The following ANK2 variants were observed in gnomAD, a reference collection of about 807,000 sequenced individuals.
ANK2 encodes the protein ankyrin 2.
Under a neutral mutation model 360.5 loss-of-function variants are expected in ANK2, and 83 were observed. The ratio of observed to expected loss-of-function variants is 0.23; its 90% CI spans 0.19 to 0.28. ANK2 has a LOEUF of 0.28. ANK2 is among the 10% of genes least tolerant of loss of function. ANK2 has a pLI of 1.00. For synonymous variants in ANK2, 1,740 were observed against 1,759.5 expected, an observed-to-expected ratio of 0.99 and a Z score of 0.28; for missense variants, 4,201 against 4,795.7, an observed-to-expected ratio of 0.88 and a Z score of 3.66.
At chr4:113,134,607 T>G (rs1159693679) in intron 1 of ANK2, among the ~76,000 whole-genome samples, 1 of 152,136 alleles carries the variant, frequency 6.6e-6, no homozygotes, top group Non-Finnish European at 1.5e-5. Flanking sequence ...TTTTAACACT[T>G]GATCTCCAGG....
rs764765038 is a variant in ANK2 at position 113,353,833 on chromosome 4, G to A, written c.5215G>A (p.Glu1739Lys). The A allele has an allele frequency of 1.9e-6, 3 of 1,614,030 alleles. No homozygotes were observed. The highest frequency in any genetic ancestry group is 1.1e-5 in the South Asian group (1 of 91,050). Residue 1739 changes from glutamate (E) to lysine (K), a missense_variant, in exon 38 of 46, where the codon GAA becomes AAA. Glu to Lys is a moderately conservative substitution (Grantham distance 56, BLOSUM62 1). This residue lies in a region of ANK2 where 2,642 missense variants were observed against 2,714.5 expected (regional missense o/e 0.97). Coordinates refer to ENST00000357077, the MANE Select transcript of ANK2 (RefSeq NM_001148.6). ...KKGSSEESLG[E>K]DPGLAPEPLP... ...AGGTAGTTCAGAAGAGTCATTAGGTGAAGACCCAGGTTTAGCCCCTGAACC... is the reference window on the plus strand; with the variant it reads ...AGGTAGTTCAGAAGAGTCATTAGGTAAAGACCCAGGTTTAGCCCCTGAACC...
chr4:113,277,630 T>G (rs1216159590), intron 15 of ANK2, among the ~76,000 whole-genome samples: 2 of 152,230 alleles, frequency 1.3e-5, no homozygotes, highest in African/African-American at 4.8e-5. Flanking sequence ...ATAAAATTTC[T>G]TTTATTCAGT....
intron 1 of ANK2, among the ~76,000 whole-genome samples, chr4:112,867,250 T>C (rs967215782): frequency 6.6e-6 from 1 of 152,074 alleles, no homozygotes; most frequent in Non-Finnish European, 1.5e-5. Context: ...TTTTAAACTT[T>C]TAAAAGAATT....
At chr4:113,067,337 A>G (rs1016432975) in intron 1 of ANK2, among the ~76,000 whole-genome samples, 3 of 150,910 alleles carry the variant, frequency 2.0e-5, no homozygotes, top group African/African-American at 7.3e-5. Flanking sequence ...AGGGGAAACA[A>G]GAGTCCAAGA....
chr4:112,736,088 A>G, the ANK2 span, among the ~76,000 whole-genome samples: 1 of 152,196 alleles, frequency 6.6e-6, no homozygotes, highest in Non-Finnish European at 1.5e-5. Flanking sequence ...GTGCCTTTCA[A>G]TTAAATCACT....
intron 1 of ANK2, among the ~76,000 whole-genome samples, chr4:112,876,429 G>A (rs575678918): frequency 1.3e-5 from 2 of 152,190 alleles, no homozygotes; most frequent in Admixed American, 6.5e-5. Flanking sequence ...TATGTAGGAA[G>A]TATTTACAGA....
intron 1 of ANK2, among the ~76,000 whole-genome samples, chr4:113,099,410 A>G (rs181262735): frequency 2.6e-5 from 4 of 152,148 alleles, no homozygotes; most frequent in Admixed American, 6.5e-5. Context: ...AAAAAATGAA[A>G]TACTTATGTG....
chr4:113,151,070 C>T lies in ANK2; in HGVS notation c.85-23346C>T, dbSNP rs987640003. ...TAGCAAATCTATTTATGGGAATTTTCCCACTACAGGTGACATGCCCCCAGA... is the reference window on the plus strand; with the variant it reads ...TAGCAAATCTATTTATGGGAATTTTTCCACTACAGGTGACATGCCCCCAGA... On this transcript the variant is annotated intron_variant, in intron 1 of 45. Transcript: ENST00000357077. 4 of 1,285,478 alleles carry T rather than the reference C, an allele frequency of 3.1e-6. No individual in the cohort carries two copies. The African/African-American group carries it at 4.6e-5, about 15-fold the overall frequency. 79.6% of individuals were successfully genotyped at this position (1,285,478 alleles called of 1,614,324 possible).
intron 2 of ANK2, among the ~76,000 whole-genome samples, chr4:113,038,588 C>T (rs955921342): frequency 1.3e-5 from 2 of 151,936 alleles, no homozygotes; most frequent in Non-Finnish European, 2.9e-5. Context: ...AGCAATGTGA[C>T]CTTTCCACCT....
intron 24 of ANK2, 23 bp downstream of exon 24, chr4:113,311,422 G>A: frequency 6.2e-7 from 1 of 1,613,580 alleles, no homozygotes; most frequent in Non-Finnish European, 8.5e-7. Context: ...ACTTATAATT[G>A]ATGTCAGCCA....
At position 113,354,465 on chromosome 4, in the gene ANK2, A is replaced by G. The variant is rs751984665; in HGVS notation, c.5847A>G (p.Gln1949=). 8 of 1,613,764 alleles carry G rather than the reference A, an allele frequency of 5.0e-6. No homozygotes were observed. Among genetic ancestry groups the G allele is most frequent in the Admixed American group, 3.3e-5 (2 of 59,972 alleles). Residue 1949 remains glutamine (Q), a synonymous_variant, in exon 38 of 46, where the codon CAA becomes CAG. Coordinates refer to ENST00000357077, the MANE Select transcript of ANK2 (RefSeq NM_001148.6). Reference sequence around the variant, plus strand: ...CCTCCGGAAGAACGGACAAGCACCAACCTGTATCAACAGCTGGGAAAACTG... The same window carrying G: ...CCTCCGGAAGAACGGACAAGCACCAGCCTGTATCAACAGCTGGGAAAACTG... ...VSPSGRTDKH[Q]PVSTAGKTEK...
At chr4:113,154,086 T>C (rs564997884) in intron 1 of ANK2, among the ~76,000 whole-genome samples, 4 of 152,288 alleles carry the variant, frequency 2.6e-5, no homozygotes, top group African/African-American at 9.6e-5. Context: ...GCAATTAAAG[T>C]AGCTGAGACC....
intron 2 of ANK2, among the ~76,000 whole-genome samples, chr4:113,014,004 A>G (rs1579039831): frequency 6.6e-6 from 1 of 152,084 alleles, no homozygotes; most frequent in Non-Finnish European, 1.5e-5. Flanking sequence ...ATTTGATTCA[A>G]TTTAAGGAAT....
chr4:112,919,464 G>A (rs1219097202), intron 2 of ANK2, among the ~76,000 whole-genome samples: 1 of 151,914 alleles, frequency 6.6e-6, no homozygotes, highest in Admixed American at 6.6e-5. Context: ...AAAACAATTA[G>A]TTTATTTTAT....
At chr4:112,878,020 A>G (rs1035539244) in intron 1 of ANK2, among the ~76,000 whole-genome samples, 1 of 152,120 alleles carries the variant, frequency 6.6e-6, no homozygotes, top group Admixed American at 6.5e-5. Context: ...GGTCCTGACT[A>G]TCTTATCATT....
chr4:113,021,147 A>G (rs1259711220), intron 2 of ANK2, among the ~76,000 whole-genome samples: 3 of 149,692 alleles, frequency 2.0e-5, no homozygotes, highest in African/African-American at 7.4e-5. Flanking sequence ...AGAAGCAGTG[A>G]TGTAAACCCT....
chr4:112,736,574 T>A, the ANK2 span, among the ~76,000 whole-genome samples: 1 of 152,098 alleles, frequency 6.6e-6, no homozygotes, highest in Non-Finnish European at 1.5e-5. Context: ...TACAGAAGCA[T>A]GTGGCAGATC....
intron 1 of ANK2, among the ~76,000 whole-genome samples, chr4:113,095,885 C>T (rs988706614): frequency 1.3e-5 from 2 of 152,162 alleles, no homozygotes; most frequent in African/African-American, 4.8e-5. Context: ...TGAGCCACTT[C>T]GTTGGCTGCC....
rs540195650 is a variant in ANK2, at chr4:113,157,820, C to T, written c.85-16596C>T. Among the ~76,000 whole-genome samples the T allele has an allele frequency of 2.6e-5, 4 of 152,310 alleles. No homozygotes were observed. The South Asian group carries it at 8.3e-4, about 32-fold the overall frequency. On this transcript the variant is annotated intron_variant, in intron 1 of 45. Transcript: ENST00000357077. Reference sequence around the variant, plus strand: ...GGTAGGACTTACCAGTTATCAATTTCGGGTCTGCCACTTCTTACCCCAAAG... The same window carrying T: ...GGTAGGACTTACCAGTTATCAATTTTGGGTCTGCCACTTCTTACCCCAAAG...
Sources: allele counts gnomAD v4.1 joint callset (sites outside exome capture counted in the v4.1 genomes callset), GRCh38; gene constraint gnomAD v4.1.1; regional missense constraint gnomAD v4.1.1; transcripts MANE v1.5; gene names NCBI Gene and HGNC (gene_info 2026-07-23, HGNC 2026-07-21).